SRPK2: variants seen among roughly 807,000 people sequenced by gnomAD.
SRPK2 encodes the protein SRSF protein kinase 2.
A neutral mutation model predicts 90.8 loss-of-function variants in SRPK2; 21 were observed. The observed-to-expected ratio is 0.23, with a 90% CI of 0.16 to 0.33. The LOEUF is 0.33. Ranked by LOEUF, SRPK2 falls within the 10% of genes least tolerant of loss-of-function variation. The probability of loss-of-function intolerance (pLI) is 1.00; values close to 1 mark genes in which losing one functional copy is unlikely to be tolerated. For missense variants in SRPK2, 620 were observed against 869.0 expected (o/e 0.71, Z 3.60); for synonymous variants, 288 against 311.1 (o/e 0.93, Z 0.78).
chr7:105,214,539 TTAA>T (rs1443877963), intron 2 of SRPK2, among the ~76,000 whole-genome samples: 1 of 152,168 alleles, frequency 6.6e-6, no homozygotes, highest in African/African-American at 2.4e-5. Flanking sequence ...AGGAAACTTG[TTAA>T]TAACATTATG....
intron 11 of SRPK2, among the ~76,000 whole-genome samples, chr7:105,140,166 C>G (rs553605457): frequency 3.9e-4 from 59 of 151,760 alleles, no homozygotes; most frequent in Non-Finnish European, 7.1e-4. Flanking sequence ...GTTTTTTTTC[C>G]CCTCCAACTA....
At chr7:105,273,160 A>G (rs939348074) in intron 2 of SRPK2, among the ~76,000 whole-genome samples, 4 of 151,844 alleles carry the variant, frequency 2.6e-5, no homozygotes, top group Admixed American at 6.6e-5. Context: ...GGTTGCAGTG[A>G]GCAGAGATCG....
At chr7:105,118,752 C>A (rs1799916142) in intron 15 of SRPK2, among the ~76,000 whole-genome samples, 1 of 151,926 alleles carries the variant, frequency 6.6e-6, no homozygotes, top group Admixed American at 6.6e-5. Flanking sequence ...GACCCTGTCT[C>A]TACTTAAAAA....
chr7:105,175,471 T>C (rs1461322489), intron 3 of SRPK2, among the ~76,000 whole-genome samples: 3 of 151,704 alleles, frequency 2.0e-5, no homozygotes, highest in East Asian at 1.9e-4. Context: ...ACTAAAAAAA[T>C]AGCAAACTTA....
chr7:105,242,595 A>G (rs1800963664), intron 2 of SRPK2, among the ~76,000 whole-genome samples: 1 of 152,256 alleles, frequency 6.6e-6, no homozygotes, highest in South Asian at 2.1e-4. Context: ...GCAAGTGATC[A>G]TTATTAGGTT....
chr7:105,374,800 G>T (rs568260722), intron 2 of SRPK2, among the ~76,000 whole-genome samples: 24 of 152,166 alleles, frequency 1.6e-4, no homozygotes, highest in African/African-American at 5.8e-4. Flanking sequence ...GTAGAGACAG[G>T]GTTGCACCAT....
chr7:105,318,243 C>A (rs372882544), intron 2 of SRPK2, among the ~76,000 whole-genome samples: 2 of 152,022 alleles, frequency 1.3e-5, no homozygotes, highest in Non-Finnish European at 2.9e-5. Flanking sequence ...TACAGGCGCA[C>A]GCCAGGTCGC....
At chr7:105,293,469 CAG>C (rs1478704098) in intron 2 of SRPK2, among the ~76,000 whole-genome samples, 4 of 151,850 alleles carry the variant, frequency 2.6e-5, no homozygotes, top group African/African-American at 7.3e-5. Context: ...GGGTGGGAGA[CAG>C]AGTCTTTGCA....
intron 2 of SRPK2, among the ~76,000 whole-genome samples, chr7:105,387,625 G>A (rs1258686022): frequency 6.6e-6 from 1 of 151,424 alleles, no homozygotes; most frequent in Non-Finnish European, 1.5e-5. Context: ...ACCCCTCAAA[G>A]GAAACAACCA....
At chr7:105,198,902 G>A (rs988871015) in intron 3 of SRPK2, among the ~76,000 whole-genome samples, 1 of 152,258 alleles carries the variant, frequency 6.6e-6, no homozygotes, top group Non-Finnish European at 1.5e-5. Flanking sequence ...CAAGGCTCAG[G>A]AATCAGTCAA....
Position 105,126,269 on chromosome 7 carries a change from G to A in SRPK2, c.1894C>T (p.Arg632Trp), listed in dbSNP as rs544378514. The A allele has an allele frequency of 6.2e-7, 1 of 1,613,812 alleles. No homozygotes were observed. Among genetic ancestry groups the A allele is most frequent in the African/African-American group, 1.3e-5 (1 of 75,006 alleles). ...RHFALSGKYS[R>W]EFFNRRGELR... ...CTACCTCTGCGATTGAAGAATTCCC[G>A]AGAATATTTTCCAGATAGAGCAAAG... is the stretch of plus-strand genomic sequence containing the variant. Residue 632 changes from arginine (R) to tryptophan (W), a missense_variant, in exon 15 of 16, where the codon CGG becomes TGG. Arg to Trp is a moderately radical substitution (Grantham distance 101). This residue lies in a region of SRPK2 where 71 missense variants were observed against 123.1 expected (regional missense o/e 0.58). Coordinates refer to ENST00000393651, the MANE Select transcript of SRPK2 (RefSeq NM_182692.3).
chr7:105,378,868 G>A (rs1382708095), intron 2 of SRPK2, among the ~76,000 whole-genome samples: 1 of 151,970 alleles, frequency 6.6e-6, no homozygotes, highest in South Asian at 2.1e-4. Flanking sequence ...TTATTACAAT[G>A]ACACTGCCAA....
intron 2 of SRPK2, among the ~76,000 whole-genome samples, chr7:105,248,804 G>T (rs1802080100): frequency 2.0e-5 from 3 of 151,746 alleles, no homozygotes; most frequent in African/African-American, 7.3e-5. Flanking sequence ...AATTAGCCGG[G>T]TGTGGTGTTG....
rs187516666 is a variant in SRPK2, at chr7:105,160,553, T to C, written c.575A>G (p.Asn192Ser). ...HHLLKWIIKSNYQGLPVRCVK... is the reference protein window; with the variant it reads ...HHLLKWIIKSSYQGLPVRCVK... ...ACAACGTACTGGGAGGCCTTGATAGTTGGATTTGATGATCCACTTGAGGAG... is the reference window on the plus strand; with the variant it reads ...ACAACGTACTGGGAGGCCTTGATAGCTGGATTTGATGATCCACTTGAGGAG... The change falls in exon 7 of 16, where the codon AAC (asparagine) becomes AGC (serine). Residue 192 changes from asparagine to serine, a missense_variant. By Grantham distance (46) the Asn-to-Ser change is conservative. Around this residue, in one of 8 missense-constraint regions of SRPK2, gnomAD observed 196 missense variants for 339.2 expected, o/e 0.58. Coordinates refer to ENST00000393651, the MANE Select transcript of SRPK2 (RefSeq NM_182692.3). The C allele has an allele frequency of 1.9e-6, 3 of 1,613,952 alleles. No homozygotes were observed. The highest frequency in any genetic ancestry group is 2.2e-5 in the East Asian group (1 of 44,884).
chr7:105,294,454 T>C (rs1192045266), intron 2 of SRPK2, among the ~76,000 whole-genome samples: 2 of 152,224 alleles, frequency 1.3e-5, no homozygotes, highest in Non-Finnish European at 2.9e-5. Context: ...CCATCCCTTG[T>C]GAGGTTTGAA....
intron 2 of SRPK2, among the ~76,000 whole-genome samples, chr7:105,299,804 G>A (rs1257730838): frequency 6.6e-6 from 1 of 152,162 alleles, no homozygotes; most frequent in Non-Finnish European, 1.5e-5. Context: ...TGAGGCAGGA[G>A]AATCGCTTGA....
chr7:105,374,357 C>T (rs1281227339), intron 2 of SRPK2, among the ~76,000 whole-genome samples: 1 of 152,172 alleles, frequency 6.6e-6, no homozygotes, highest in Non-Finnish European at 1.5e-5. Context: ...GCTGATTCTT[C>T]TTTAAAAGAG....
chr7:105,289,735 G>A (rs1031721620), intron 2 of SRPK2, among the ~76,000 whole-genome samples: 5 of 152,016 alleles, frequency 3.3e-5, no homozygotes, highest in Admixed American at 6.6e-5. Flanking sequence ...TTAAATTTCC[G>A]TCAAAAATTT....
chr7:105,247,871 C>CTT (rs201687224), intron 2 of SRPK2, among the ~76,000 whole-genome samples: 143 of 139,382 alleles, frequency 1.0e-3, no homozygotes, highest in African/African-American at 2.8e-3. Flanking sequence ...CCTTAACAAT[C>CTT]TTTTTTTTTT....
Sources: gnomAD v4.1 joint callset for allele counts (sites outside exome capture counted in the v4.1 genomes callset) on GRCh38, gnomAD v4.1.1 for gene constraint, gnomAD v4.1.1 regional missense constraint, MANE v1.5 for transcripts, NCBI Gene and HGNC (gene_info 2026-07-23, HGNC 2026-07-21) for gene names.